PHRF1: variants seen among roughly 807,000 people sequenced by gnomAD.
The protein encoded by PHRF1 is PHD and RING finger domain-containing protein 1.
In PHRF1, 53 loss-of-function variants were observed where a neutral mutation model predicts 128.9. That is an observed-to-expected ratio of 0.41 (90% CI 0.33 to 0.52). The LOEUF is 0.52. Among genes scored for constraint, PHRF1 ranks in the 20% least tolerant of loss-of-function variants. PHRF1 has a pLI of 0.21. For missense variants in PHRF1, 2,503 were observed against 2,284.5 expected (o/e 1.10, Z -1.95); for synonymous variants, 1,178 against 980.6 (o/e 1.20, Z -3.76).
chr11:607,445 G>C lies in PHRF1; in HGVS notation c.1989G>C (p.Pro663=), dbSNP rs767491815. The change falls in exon 14 of 18, where the codon CCG becomes CCC. Residue 663 remains proline (P), a synonymous_variant. Transcript: ENST00000264555. ...DSKPPCRSVV[P]GPPLKPAPRR... is the part of the protein sequence containing the mutation. ...AGCCCCCATGTCGCAGTGTGGTGCCGGGGCCTCCCCTGAAGCCAGCGCCCA... is the reference window on the plus strand; with the variant it reads ...AGCCCCCATGTCGCAGTGTGGTGCCCGGGCCTCCCCTGAAGCCAGCGCCCA... 1 of 1,612,692 alleles carries C rather than the reference G, an allele frequency of 6.2e-7. No homozygotes were observed. The highest frequency in any genetic ancestry group is 1.7e-5 in the Admixed American group (1 of 60,008).
chr11:610,914 G>A (rs778639740), intron 16 of PHRF1, 40 bp from the exon 17 acceptor site: 77 of 1,605,264 alleles, frequency 4.8e-5, no homozygotes, highest in Middle Eastern at 3.3e-4. Flanking sequence ...AGGGACTCCC[G>A]GCTCCCTTCC....
intron 4 of PHRF1, among the ~76,000 whole-genome samples, chr11:589,110 C>T (rs573911778): frequency 6.7e-5 from 10 of 150,302 alleles, no homozygotes; most frequent in African/African-American, 1.5e-4. Context: ...CACTCCAGCC[C>T]GGCGACAGAG....
intron 10 of PHRF1, 99 bp downstream of exon 10, chr11:601,800 C>A: frequency 6.8e-7 from 1 of 1,474,124 alleles, no homozygotes; most frequent in Non-Finnish European, 9.2e-7. Context: ...TTGGCACCCT[C>A]GCGCGGTTAT....
chr11:585,027 C>T (rs971751362), intron 3 of PHRF1, among the ~76,000 whole-genome samples: 13 of 152,154 alleles, frequency 8.5e-5, no homozygotes, highest in Admixed American at 3.9e-4. Flanking sequence ...CATGAGCCAC[C>T]GCGCCTGGCC....
At chr11:593,189 C>T (rs1222995618) in intron 6 of PHRF1, among the ~76,000 whole-genome samples, 2 of 152,268 alleles carry the variant, frequency 1.3e-5, no homozygotes, top group East Asian at 1.9e-4. Context: ...TCTCCTCATC[C>T]CTGCTTTGTG....
chr11:595,838 T>C (rs772541996), intron 6 of PHRF1, among the ~76,000 whole-genome samples: 3 of 152,218 alleles, frequency 2.0e-5, no homozygotes, highest in Non-Finnish European at 4.4e-5. Context: ...AGAGAACTTG[T>C]ATAAGAACAG....
At chr11:598,293 G>A (rs1394970219) in intron 8 of PHRF1, 80 bp from the exon 9 acceptor site, 1 of 1,519,646 alleles carries the variant, frequency 6.6e-7, no homozygotes, top group Non-Finnish European at 8.8e-7. Context: ...TGTGGGCTGT[G>A]TTCTGGGCTC....
chr11:597,437 C>G lies in PHRF1; in HGVS notation c.761C>G (p.Ala254Gly). The change falls in exon 8 of 18, where the codon GCT becomes GGT. Residue 254 changes from alanine (A) to glycine (G), a missense_variant. Coordinates refer to ENST00000264555, the MANE Select transcript of PHRF1 (RefSeq NM_001286581.2). The surrounding 1 kb of genome is among the most constrained non-coding windows in gnomAD (Gnocchi z 6.5). ...VSEEEVSLLL[A>G]DVVPTTSRLR... Reference sequence around the variant, plus strand: ...GAGGAGGAGGTCTCCCTGCTCTTGGCTGATGTGGTGCCCACCACCAGCAGG... The same window carrying G: ...GAGGAGGAGGTCTCCCTGCTCTTGGGTGATGTGGTGCCCACCACCAGCAGG... 1 of 1,612,990 alleles carries G rather than the reference C, an allele frequency of 6.2e-7. No homozygotes were observed. The highest frequency in any genetic ancestry group is 8.5e-7 in the Non-Finnish European group (1 of 1,179,624).
At chr11:611,222 T>C (rs1400059988) in intron 17 of PHRF1, 140 bp downstream of exon 17, 3 of 1,362,840 alleles carry the variant, frequency 2.2e-6, no homozygotes, top group African/African-American at 2.9e-5. Flanking sequence ...GGGGCTGTAT[T>C]GCCACATCCT....
chr11:582,011 C>T lies in PHRF1; in HGVS notation c.144C>T (p.Ser48=), dbSNP rs200469735. The part of the protein sequence containing the change: ...SSGDSGDDSD[S]EHGDGTDGED... ...GGGACTCTGGGGACGACAGTGACAGCGAGCATGGAGATGGCACAGACGGAG... is the reference window on the plus strand; with the variant it reads ...GGGACTCTGGGGACGACAGTGACAGTGAGCATGGAGATGGCACAGACGGAG... The change falls in exon 3 of 18, where the codon AGC becomes AGT. Residue 48 remains serine, a synonymous_variant. Coordinates refer to ENST00000264555, the MANE Select transcript of PHRF1 (RefSeq NM_001286581.2). 418 of 1,608,142 alleles carry T rather than the reference C, an allele frequency of 2.6e-4. No homozygotes were observed. The highest frequency in any genetic ancestry group is 3.3e-4 in the Non-Finnish European group (390 of 1,177,444).
At chr11:576,684 C>T (rs1853847406) in intron 1 of PHRF1, 92 bp downstream of exon 1, 1 of 147,844 alleles carries the variant, frequency 6.8e-6, no homozygotes, top group East Asian at 2.0e-4. Context: ...GCGGCCTGCA[C>T]CGCGGGGCGA....
At position 605,950 on chromosome 11, in the gene PHRF1, C is replaced by CAGCT. The variant is rs537320333; in HGVS notation, c.1454+227_1454+230dup. 1.6e-4 allele frequency among the ~76,000 whole-genome samples: 25 copies of CAGCT among 152,338 alleles called. 1 individual carries two copies. In the South Asian group the frequency reaches 4.8e-3, roughly 29 times the overall value. On this transcript the variant is annotated intron_variant, in intron 12 of 17. Coordinates refer to ENST00000264555, the MANE Select transcript of PHRF1 (RefSeq NM_001286581.2). ...TGTGAGCGTGGACTGGGAGTTGCTG[C>CAGCT]AGCTCCACGAGGTGGCCCCTCTGCC...
At chr11:601,821 T>A (rs985313929) in intron 10 of PHRF1, 120 bp downstream of exon 10, 1 of 1,253,934 alleles carries the variant, frequency 8.0e-7, no homozygotes, top group Non-Finnish European at 1.1e-6. Context: ...GGAGCAGGGA[T>A]CATCATCGTC....
At chr11:582,346 C>G (rs1269493868) in intron 3 of PHRF1, among the ~76,000 whole-genome samples, 2 of 149,834 alleles carry the variant, frequency 1.3e-5, no homozygotes, top group Non-Finnish European at 3.0e-5. Context: ...CTCACTGCAA[C>G]TTCTGCCTCC....
rs183374737 is a variant in PHRF1, at chr11:586,629, G to T, written c.215-630G>T. On this transcript the variant is annotated intron_variant, in intron 3 of 17. Coordinates refer to ENST00000264555, the MANE Select transcript of PHRF1 (RefSeq NM_001286581.2). Reference sequence around the variant, plus strand: ...TGGTACAAAGAAGATAGCAGTGCACGTATGGGCTCTGCCGTGTTGAACTCG... The same window carrying T: ...TGGTACAAAGAAGATAGCAGTGCACTTATGGGCTCTGCCGTGTTGAACTCG... Among the ~76,000 whole-genome samples, 6 of 152,304 alleles carry T rather than the reference G, an allele frequency of 3.9e-5. 1 individual carries two copies. In the South Asian group the frequency reaches 1.2e-3, roughly 32 times the overall value.
Position 611,932 on chromosome 11 carries a change from C to T in PHRF1, c.*155C>T, listed in dbSNP as rs572088281. On this transcript the variant is annotated 3_prime_UTR_variant, in exon 18 of 18. Coordinates refer to ENST00000264555, the MANE Select transcript of PHRF1 (RefSeq NM_001286581.2). ...TGGGGGGCATCACCATGCCTGCCGTCGGGTTCCTGCGCTGACACCTGGTCT... is the reference window on the plus strand; with the variant it reads ...TGGGGGGCATCACCATGCCTGCCGTTGGGTTCCTGCGCTGACACCTGGTCT... 8.8e-6 allele frequency: 11 copies of T among 1,248,956 alleles called. No individual in the cohort carries two copies. Among genetic ancestry groups the T allele is most frequent in the Admixed American group, 5.2e-5 (2 of 38,418 alleles). 77.4% of individuals were successfully genotyped at this position (1,248,956 alleles called of 1,614,324 possible).
chr11:590,249 A>G (rs1310295011), intron 4 of PHRF1, among the ~76,000 whole-genome samples: 1 of 152,228 alleles, frequency 6.6e-6, no homozygotes, highest in African/African-American at 2.4e-5. Context: ...CACACGTACA[A>G]CCTCAAAGGC....
At chr11:583,967 A>C (rs1854370209) in intron 3 of PHRF1, among the ~76,000 whole-genome samples, 1 of 152,228 alleles carries the variant, frequency 6.6e-6, no homozygotes, top group Admixed American at 6.5e-5. Context: ...CATGGTCCTC[A>C]AGTGGCTACT....
chr11:600,234 G>A (rs1855546024), intron 9 of PHRF1, among the ~76,000 whole-genome samples: 1 of 151,516 alleles, frequency 6.6e-6, no homozygotes, highest in Non-Finnish European at 1.5e-5. Context: ...CTCCCCGATA[G>A]GAACACATTA....
Sources: allele counts gnomAD v4.1 joint callset (sites outside exome capture counted in the v4.1 genomes callset), GRCh38; gene constraint gnomAD v4.1.1; non-coding constraint Gnocchi (gnomAD v3.1); transcripts MANE v1.5; gene names NCBI Gene and HGNC (gene_info 2026-07-23, HGNC 2026-07-21).